Variants in CYLD observed in about 807,000 individuals in gnomAD.
CYLD encodes ubiquitin carboxyl-terminal hydrolase CYLD.
A neutral mutation model predicts 104.5 loss-of-function variants in CYLD; 26 were observed. The ratio of observed to expected loss-of-function variants is 0.25; its 90% CI spans 0.18 to 0.35. The LOEUF is 0.35. Ranked by LOEUF, CYLD falls within the 10% of genes least tolerant of loss-of-function variation. The pLI is 1.00. For missense variants in CYLD, 703 were observed against 1,136.1 expected (o/e 0.62, Z 5.48); for synonymous variants, 385 against 399.9 (o/e 0.96, Z 0.45).
At position 50,749,905 on chromosome 16, in the gene CYLD, G is replaced by T; in HGVS notation, c.207G>T (p.Gln69His). Residue 69 changes from glutamine (Q) to histidine (H), a missense_variant, in exon 3 of 19, where the codon CAG (glutamine) becomes CAT (histidine). Gln to His is a conservative substitution (Grantham distance 24). Coordinates refer to ENST00000427738, the MANE Select transcript of CYLD (RefSeq NM_001378743.1). Reference protein sequence around the residue: ...RIPSAKGKKNQIGLKILEQPH... With the variant: ...RIPSAKGKKNHIGLKILEQPH... ...CTTCTGCAAAAGGCAAGAAAAATCA[G>T]ATTGGATTAAAAATTCTAGAGCAAC... The T allele has an allele frequency of 6.2e-7, 1 of 1,614,146 alleles. No individual in the cohort carries two copies. The highest frequency in any genetic ancestry group is 8.5e-7 in the Non-Finnish European group (1 of 1,180,002).
intron 5 of CYLD, 74 bp downstream of exon 5, chr16:50,754,498 G>A (rs1966842868): frequency 2.0e-6 from 2 of 988,914 alleles, no homozygotes; most frequent in Admixed American, 4.2e-5. Flanking sequence ...ATATCAATAT[G>A]TTTTGGGGGA....
intron 12 of CYLD, chr16:50,785,170 T>C (rs1242402245): frequency 1.3e-5 from 2 of 152,146 alleles, no homozygotes; most frequent in African/African-American, 2.4e-5. Flanking sequence ...ATTAGGACCA[T>C]AGATCATAAA....
At chr16:50,780,324 A>G (rs1647630737) in intron 9 of CYLD, among the ~76,000 whole-genome samples, 1 of 152,152 alleles carries the variant, frequency 6.6e-6, no homozygotes, top group Admixed American at 6.5e-5. Context: ...AAATCAAGCA[A>G]ATTTGCCATC....
chr16:50,750,151 C>T lies in CYLD; in HGVS notation c.453C>T (p.Pro151=). 6.2e-7 allele frequency: 1 copy of T among 1,613,886 alleles called. No individual in the cohort carries two copies. The highest frequency in any genetic ancestry group is 1.3e-5 in the African/African-American group (1 of 74,990). The change falls in exon 3 of 19, where the codon CCC becomes CCT. Residue 151 remains proline (P), a synonymous_variant. Coordinates refer to ENST00000427738, the MANE Select transcript of CYLD (RefSeq NM_001378743.1). ...KFPGVVRFRG[P]LLAERTVSGI... is the part of the protein sequence containing the mutation. The stretch of plus-strand genomic sequence containing the variant: ...CTGGAGTTGTACGCTTCAGAGGACC[C>T]CTGTTAGCAGAGAGGACAGTCTCCG...
At chr16:50,787,690 C>A in intron 13 of CYLD, 96 bp from the exon 14 acceptor site, 1 of 670,708 alleles carries the variant, frequency 1.5e-6, no homozygotes, top group Non-Finnish European at 2.6e-6. Context: ...ATGAATGAAA[C>A]TGAATTCAGT....
At chr16:50,748,452 G>T (rs998655320) in intron 2 of CYLD, among the ~76,000 whole-genome samples, 3 of 152,142 alleles carry the variant, frequency 2.0e-5, no homozygotes, top group African/African-American at 7.2e-5. Flanking sequence ...GAAGGCCAAG[G>T]TGGGAGGATC....
intron 5 of CYLD, 44 bp from the exon 6 acceptor site, chr16:50,775,122 T>C (rs1368770213): frequency 1.3e-6 from 2 of 1,570,908 alleles, no homozygotes; most frequent in African/African-American, 1.3e-5. Flanking sequence ...TTTCTTTCTG[T>C]CCTCAAATCC....
intron 5 of CYLD, among the ~76,000 whole-genome samples, chr16:50,762,807 A>G (rs1160493718): frequency 2.0e-5 from 3 of 152,206 alleles, no homozygotes; most frequent in Non-Finnish European, 4.4e-5. Flanking sequence ...TTGATGCATT[A>G]TAAAGCATAT....
chr16:50,744,883 TCAGAATC>T (rs1966043240), intron 2 of CYLD: 1 of 152,364 alleles, frequency 6.6e-6, no homozygotes, highest in Non-Finnish European at 1.5e-5. Context: ...TCCCCTTTAC[TCAGAATC>T]CAGACCATCA....
rs1295742744 is a variant in CYLD at position 50,796,703 on chromosome 16, C to G, written c.*195C>G. 1.6e-6 allele frequency: 1 copy of G among 609,550 alleles called. No individual in the cohort carries two copies. The highest frequency in any genetic ancestry group is 2.9e-6 in the Non-Finnish European group (1 of 341,378). 37.8% of individuals were successfully genotyped at this position (609,550 alleles called of 1,614,324 possible). A position where few individuals can be genotyped will look rare whatever the true frequency, so the allele number is the denominator to read the frequency against. ...AGTATTTAATAAGAAGCATTTTGCA[C>G]TCTAGAAAGTATGTTTGTGTTGGTT... On this transcript the variant is annotated 3_prime_UTR_variant, in exon 19 of 19. Transcript: ENST00000427738.
At position 50,750,079 on chromosome 16, in the gene CYLD, G is replaced by C. The variant is rs765653845; in HGVS notation, c.381G>C (p.Val127=). The C allele has an allele frequency of 6.2e-7, 1 of 1,614,084 alleles. No individual in the cohort carries two copies. The highest frequency in any genetic ancestry group is 8.5e-7 in the Non-Finnish European group (1 of 1,179,992). ...NRLSKGLQID[V]GCPVKVQLRS... is the part of the protein sequence containing the mutation. Reference sequence around the variant, plus strand: ...TAAGTAAAGGCCTCCAAATAGACGTGGGCTGTCCTGTGAAAGTACAGCTGA... The same window carrying C: ...TAAGTAAAGGCCTCCAAATAGACGTCGGCTGTCCTGTGAAAGTACAGCTGA... Residue 127 remains valine, a synonymous_variant, in exon 3 of 19, where the codon GTG becomes GTC. Coordinates refer to ENST00000427738, the MANE Select transcript of CYLD (RefSeq NM_001378743.1).
rs749660371 is a variant in CYLD, at chr16:50,779,932, G to A, written c.1406G>A (p.Gly469Asp). The A allele has an allele frequency of 1.9e-6, 3 of 1,613,928 alleles. No individual in the cohort carries two copies. In the Admixed American group the frequency reaches 5.0e-5, roughly 27 times the overall value. Residue 469 changes from glycine to aspartate, a missense_variant, in exon 9 of 19, where the codon GGT becomes GAT. Gly to Asp is a moderately conservative substitution (Grantham distance 94). Transcript: ENST00000427738. ...PLAMPPGNSH[G>D]LEVGSLAEVK... ...GCCATGCCTCCTGGGAACTCACATG[G>A]TCTAGAAGTGGGCTCATTGGCTGAA...
rs919470704 is a variant in CYLD at position 50,800,184 on chromosome 16, A to C, written c.*3676A>C. ...GCATAATGAGAGGGTTAGACTACTGAATTGTATGGGAAAAAAATACAAATT... is the reference window on the plus strand; with the variant it reads ...GCATAATGAGAGGGTTAGACTACTGCATTGTATGGGAAAAAAATACAAATT... On this transcript the variant is annotated 3_prime_UTR_variant, in exon 19 of 19. Transcript: ENST00000427738. The C allele has an allele frequency of 6.0e-5, 14 of 232,776 alleles. No homozygotes were observed. Among genetic ancestry groups the C allele is most frequent in the Non-Finnish European group, 1.0e-4 (12 of 117,846 alleles). 14.4% of individuals were successfully genotyped at this position (232,776 alleles called of 1,614,324 possible). A position where few individuals can be genotyped will look rare whatever the true frequency, so the allele number is the denominator to read the frequency against.
rs1156428878 is a variant in CYLD, at chr16:50,755,084, CACAT to C, written c.913+662_913+665del. On this transcript the variant is annotated intron_variant, in intron 5 of 18. Transcript: ENST00000427738. Reference sequence around the variant, plus strand: ...ACATATAGATATGTATACATATACACACATATATACATACATATATACACACATA... The same window carrying C: ...ACATATAGATATGTATACATATACACATATACATACATATATACACACATA... 6.9e-4 allele frequency among the ~76,000 whole-genome samples: 63 copies of C among 91,140 alleles called. 8 individuals are homozygous for C. The highest frequency in any genetic ancestry group is 6.9e-4 in the South Asian group (2 of 2,902). 59.8% of individuals were successfully genotyped at this position (91,140 alleles called of 152,430 possible).
chr16:50,746,337 C>G (rs979513847), intron 2 of CYLD, among the ~76,000 whole-genome samples: 1 of 152,162 alleles, frequency 6.6e-6, no homozygotes, highest in Admixed American at 6.6e-5. Context: ...TGTGCCTGGC[C>G]GAGAATATTA....
At chr16:50,759,418 G>A (rs1967657642) in intron 5 of CYLD, among the ~76,000 whole-genome samples, 1 of 152,018 alleles carries the variant, frequency 6.6e-6, no homozygotes, top group African/African-American at 2.4e-5. Flanking sequence ...TCTCTCCCTA[G>A]AGGTGACCAT....
chr16:50,743,485 G>A (rs1249909424), intron 2 of CYLD, among the ~76,000 whole-genome samples: 2 of 152,178 alleles, frequency 1.3e-5, no homozygotes, highest in Non-Finnish European at 2.9e-5. Context: ...CCTCTGGGTG[G>A]TAACTTTTGT....
At chr16:50,795,509 C>T (rs1273681246) in intron 18 of CYLD, 1 of 702,636 alleles carries the variant, frequency 1.4e-6, no homozygotes, top group Non-Finnish European at 2.6e-6. Flanking sequence ...AGGTGTGACT[C>T]TCATGTTCCT....
intron 5 of CYLD, among the ~76,000 whole-genome samples, chr16:50,770,386 T>C (rs1318023810): frequency 6.6e-6 from 1 of 152,184 alleles, no homozygotes; most frequent in Non-Finnish European, 1.5e-5. Flanking sequence ...ATTTACCTGA[T>C]GGCTGCTGAT....
Sources: gnomAD v4.1 joint callset for allele counts (sites outside exome capture counted in the v4.1 genomes callset) on GRCh38, gnomAD v4.1.1 for gene constraint, MANE v1.5 for transcripts, NCBI Gene and HGNC (gene_info 2026-07-23, HGNC 2026-07-21) for gene names.